RHOU: variants seen among roughly 807,000 people sequenced by gnomAD.
The protein encoded by RHOU is ras homolog family member U, also known as rho-related GTP-binding protein RhoU.
RHOU carries 8 observed loss-of-function variants against 12.6 expected under a neutral mutation model. The ratio of observed to expected loss-of-function variants is 0.64; its 90% CI spans 0.37 to 1.15. The LOEUF (loss-of-function observed/expected upper bound fraction) is 1.15, where lower values mean the gene tolerates loss of function less well. Among genes scored for constraint, RHOU ranks in the 50% most tolerant of loss-of-function variants. The pLI, the probability that RHOU is intolerant of heterozygous loss-of-function variation, is 0.01. For synonymous variants in RHOU, 161 were observed against 147.4 expected (o/e 1.09, Z -0.67); for missense variants, 258 against 347.0 (o/e 0.74, Z 2.04).
At chr1:228,662,302 C>T in the RHOU span, among the ~76,000 whole-genome samples, 10 of 152,180 alleles carry the variant, frequency 6.6e-5, no homozygotes, top group African/African-American at 2.4e-4. Flanking sequence ...ACTAGAAATA[C>T]CATTTGACCC....
chr1:228,721,119 T>C, the RHOU span, among the ~76,000 whole-genome samples: 1 of 152,160 alleles, frequency 6.6e-6, no homozygotes, highest in Non-Finnish European at 1.5e-5. Flanking sequence ...CTGGCCAACA[T>C]GGTGAAACCC....
chr1:228,684,665 G>A, the RHOU span, among the ~76,000 whole-genome samples: 15 of 152,196 alleles, frequency 9.9e-5, no homozygotes, highest in South Asian at 1.5e-3. Flanking sequence ...TCTCAGAATC[G>A]TTCCTGTTTG....
intron 2 of RHOU, among the ~76,000 whole-genome samples, chr1:228,739,024 G>C (rs1662668640): frequency 6.6e-6 from 1 of 152,142 alleles, no homozygotes; most frequent in Non-Finnish European, 1.5e-5. Context: ...AGGAGGCTGA[G>C]GTGAGAGGAT....
At chr1:228,674,794 G>A in the RHOU span, among the ~76,000 whole-genome samples, 3 of 151,340 alleles carry the variant, frequency 2.0e-5, no homozygotes, top group Non-Finnish European at 1.5e-5. Context: ...GCAGTGGCGC[G>A]ACCTCGGCTC....
At chr1:228,689,229 C>G in the RHOU span, among the ~76,000 whole-genome samples, 2 of 152,092 alleles carry the variant, frequency 1.3e-5, no homozygotes, top group East Asian at 1.9e-4. Context: ...CAGACCCAAC[C>G]CTCGAAGAAG....
chr1:228,687,893 T>C, the RHOU span: 2 of 835,444 alleles, frequency 2.4e-6, no homozygotes, highest in Admixed American at 1.8e-5. Flanking sequence ...TATCCCTTTC[T>C]AACATATTGT....
the RHOU span, among the ~76,000 whole-genome samples, chr1:228,707,446 C>G: frequency 6.6e-6 from 1 of 151,130 alleles, no homozygotes; most frequent in Non-Finnish European, 1.5e-5. Context: ...TCTCCCAGCA[C>G]GCAGCTGGAG....
the RHOU span, among the ~76,000 whole-genome samples, chr1:228,664,014 C>T: frequency 7.7e-6 from 1 of 129,496 alleles, no homozygotes; most frequent in Non-Finnish European, 1.6e-5. Context: ...CCTCTCCCCT[C>T]TCCTTTTTTT....
chr1:228,676,225 C>T, the RHOU span, among the ~76,000 whole-genome samples: 1 of 151,720 alleles, frequency 6.6e-6, no homozygotes, highest in Non-Finnish European at 1.5e-5. Flanking sequence ...TTCACCTTGA[C>T]CTTCCAAAGC....
chr1:228,676,947 G>T, the RHOU span, among the ~76,000 whole-genome samples: 1 of 152,192 alleles, frequency 6.6e-6, no homozygotes, highest in Non-Finnish European at 1.5e-5. Flanking sequence ...ATGCATGCAG[G>T]CCACAGGGGT....
the RHOU span, among the ~76,000 whole-genome samples, chr1:228,726,387 C>T: frequency 1.3e-5 from 2 of 152,200 alleles, no homozygotes; most frequent in African/African-American, 2.4e-5. Context: ...GCTCTAAGGC[C>T]GGGCGCAGTG....
chr1:228,690,671 G>A, the RHOU span, among the ~76,000 whole-genome samples: 1 of 151,908 alleles, frequency 6.6e-6, no homozygotes, highest in Non-Finnish European at 1.5e-5. Flanking sequence ...AGGCTGGAGT[G>A]CAGTGGCGTG....
At chr1:228,673,909 A>G in the RHOU span, among the ~76,000 whole-genome samples, 1 of 152,234 alleles carries the variant, frequency 6.6e-6, no homozygotes, top group African/African-American at 2.4e-5. Context: ...ATCTAGTGCT[A>G]CAGTTGCTGG....
the RHOU span, among the ~76,000 whole-genome samples, chr1:228,655,190 C>T: frequency 5.5e-3 from 833 of 151,766 alleles, 2 homozygotes; most frequent in Non-Finnish European, 9.1e-3. Context: ...CTGCAACCTC[C>T]GCCTCATGAG....
intron 2 of RHOU, among the ~76,000 whole-genome samples, chr1:228,742,508 T>G (rs1473352725): frequency 6.6e-6 from 1 of 152,152 alleles, no homozygotes; most frequent in Non-Finnish European, 1.5e-5. Context: ...GCACTGTACA[T>G]GGAGGCCATG....
the RHOU span, chr1:228,652,418 G>C: frequency 6.6e-6 from 1 of 152,126 alleles, no homozygotes; most frequent in African/African-American, 2.4e-5. Context: ...ATAGCAAAAA[G>C]GAAAAAAGAT....
chr1:228,714,065 C>T, the RHOU span, among the ~76,000 whole-genome samples: 1 of 152,138 alleles, frequency 6.6e-6, no homozygotes, highest in African/African-American at 2.4e-5. Context: ...GAGACAATTA[C>T]ATGATTTTTC....
the RHOU span, chr1:228,687,965 T>C: frequency 7.6e-6 from 5 of 657,658 alleles, no homozygotes; most frequent in South Asian, 1.7e-5. Flanking sequence ...CTTCTGTCCT[T>C]CCTCCCTCCC....
Position 228,736,104 on chromosome 1 carries a change from G to A in RHOU, c.262+100G>A, listed in dbSNP as rs367839871. The A allele has an allele frequency of 4.5e-3, 5,489 of 1,209,410 alleles. 20 individuals carry two copies. Among genetic ancestry groups the A allele is most frequent in the Middle Eastern group, 0.021 (93 of 4,346 alleles). The allele number at this position is 1,209,410 out of a possible 1,614,324, so 74.9% of individuals were successfully genotyped here. The stretch of plus-strand genomic sequence containing the variant: ...TCGCGAGGTTCCCAAGGGGGCTGCA[G>A]GGCCCCGGGCGCGGCTCCAGCTGGG... On this transcript the variant is annotated intron_variant, in intron 1 of 2. Transcript: ENST00000366691.
Sources: gnomAD v4.1 joint callset for allele counts (sites outside exome capture counted in the v4.1 genomes callset) on GRCh38, gnomAD v4.1.1 for gene constraint, MANE v1.5 for transcripts, NCBI Gene and HGNC (gene_info 2026-07-23, HGNC 2026-07-21) for gene names.